KHDRBS3: variants seen among roughly 807,000 people sequenced by gnomAD.
KHDRBS3 encodes KH RNA binding domain containing, signal transduction associated 3, also known as KH domain-containing, RNA-binding, signal transduction-associated protein 3.
A neutral mutation model predicts 45.6 loss-of-function variants in KHDRBS3; 23 were observed. The observed-to-expected ratio is 0.50, with a 90% CI of 0.36 to 0.72. The LOEUF (loss-of-function observed/expected upper bound fraction) is 0.72. KHDRBS3 is among the 30% of genes least tolerant of loss of function. The pLI, the probability that KHDRBS3 is intolerant of heterozygous loss-of-function variation, is 0.00. For missense variants in KHDRBS3, 352 were observed against 424.8 expected (o/e 0.83, Z 1.51); for synonymous variants, 162 against 156.5 (o/e 1.04, Z -0.26).
At chr8:135,622,605 A>G (rs888121931) in intron 7 of KHDRBS3, among the ~76,000 whole-genome samples, 2 of 152,246 alleles carry the variant, frequency 1.3e-5, no homozygotes, top group African/African-American at 4.8e-5. Context: ...AAATCTAAAT[A>G]TCAAATGTGT....
chr8:135,513,813 C>A (rs756506091), intron 1 of KHDRBS3, among the ~76,000 whole-genome samples: 13 of 152,018 alleles, frequency 8.6e-5, no homozygotes, highest in Non-Finnish European at 1.9e-4. Flanking sequence ...TTGATTTAAT[C>A]ATCTTAGGCT....
Position 135,566,277 on chromosome 8 carries a change from C to A in KHDRBS3, c.611+8690C>A, listed in dbSNP as rs16905411. On this transcript the variant is annotated intron_variant, in intron 5 of 8. Transcript: ENST00000355849. ...TGAAAAATAATACTCCCAATGTTTG[C>A]TGAATATACTAAATTTCTTATTAGC... 1.0e-2 allele frequency among the ~76,000 whole-genome samples: 1,521 copies of A among 152,240 alleles called. 23 individuals are homozygous for A. The highest frequency in any genetic ancestry group is 0.032 in the African/African-American group (1,345 of 41,524).
intron 6 of KHDRBS3, among the ~76,000 whole-genome samples, chr8:135,597,981 A>C (rs1434704881): frequency 3.3e-5 from 5 of 152,184 alleles, no homozygotes; most frequent in Non-Finnish European, 7.3e-5. Context: ...ATGAAATTCT[A>C]CCTCAGTTGG....
intron 7 of KHDRBS3, among the ~76,000 whole-genome samples, chr8:135,639,382 G>C (rs1405319466): frequency 6.6e-6 from 1 of 152,178 alleles, no homozygotes; most frequent in Non-Finnish European, 1.5e-5. Context: ...GAGCCAGAAA[G>C]TTGAGAGGCC....
chr8:135,546,260 T>G (rs1181332796), intron 3 of KHDRBS3, among the ~76,000 whole-genome samples: 2 of 152,222 alleles, frequency 1.3e-5, no homozygotes, highest in African/African-American at 4.8e-5. Context: ...TTTACTAGTT[T>G]TAGTTTTCAG....
At chr8:135,493,142 A>T (rs761598699) in intron 1 of KHDRBS3, among the ~76,000 whole-genome samples, 1 of 151,930 alleles carries the variant, frequency 6.6e-6, no homozygotes, top group Admixed American at 6.5e-5. Context: ...CAGTGGCACG[A>T]TCTCGGCTCA....
chr8:135,481,229 T>G (rs1289208646), intron 1 of KHDRBS3, among the ~76,000 whole-genome samples: 4 of 56,244 alleles, frequency 7.1e-5, no homozygotes, highest in South Asian at 6.1e-4. Context: ...CCACGATATA[T>G]ATATATATAT....
At chr8:135,575,258 C>T (rs1586744565) in intron 5 of KHDRBS3, among the ~76,000 whole-genome samples, 1 of 152,194 alleles carries the variant, frequency 6.6e-6, no homozygotes, top group East Asian at 1.9e-4. Context: ...CCTGTAGTGG[C>T]TTAACCCAGT....
intron 1 of KHDRBS3, among the ~76,000 whole-genome samples, chr8:135,487,542 T>C (rs1248775429): frequency 1.3e-5 from 2 of 152,180 alleles, no homozygotes; most frequent in Non-Finnish European, 2.9e-5. Flanking sequence ...GGTGATCCTA[T>C]CATGGTGGAA....
At chr8:135,480,671 T>G (rs1411683034) in intron 1 of KHDRBS3, among the ~76,000 whole-genome samples, 1 of 152,118 alleles carries the variant, frequency 6.6e-6, no homozygotes, top group Non-Finnish European at 1.5e-5. Flanking sequence ...AAAAGAGAAA[T>G]GTGCTTTCCA....
At chr8:135,570,531 T>C (rs984618147) in intron 5 of KHDRBS3, among the ~76,000 whole-genome samples, 7 of 152,362 alleles carry the variant, frequency 4.6e-5, no homozygotes, top group Admixed American at 2.6e-4. Context: ...AGGGTAGATA[T>C]AGGAAAATGG....
downstream of KHDRBS3, among the ~76,000 whole-genome samples, chr8:135,648,815 T>C (rs1392612827): frequency 1.3e-5 from 2 of 152,140 alleles, no homozygotes; most frequent in Admixed American, 1.3e-4. Flanking sequence ...GATTGGAGGC[T>C]CAGGTCATCC....
chr8:135,622,017 A>G (rs1383932726), intron 7 of KHDRBS3, among the ~76,000 whole-genome samples: 1 of 150,978 alleles, frequency 6.6e-6, no homozygotes, highest in East Asian at 2.0e-4. Context: ...CCCCACCTCC[A>G]CTCCACTCCT....
rs532067940 is a variant in KHDRBS3, at chr8:135,581,864, T to C, written c.612-14T>C. On this transcript the variant is annotated splice_polypyrimidine_tract_variant and intron_variant, in intron 5 of 8. Coordinates refer to ENST00000355849, the MANE Select transcript of KHDRBS3 (RefSeq NM_006558.3). ...CTATGATAGATACTGCTAATTTGAC[T>C]CTCTTGGTTACAGGGGAAGGGGAGG... The C allele has an allele frequency of 2.5e-5, 39 of 1,545,360 alleles. No homozygotes were observed. In the South Asian group the frequency reaches 4.5e-4, roughly 18 times the overall value.
chr8:135,470,347 T>C (rs1226598993), intron 1 of KHDRBS3, among the ~76,000 whole-genome samples: 3 of 152,174 alleles, frequency 2.0e-5, no homozygotes, highest in African/African-American at 7.2e-5. Context: ...AAAGTGTCTC[T>C]TTCTCTCTTA....
chr8:135,544,736 C>T (rs544154489), intron 3 of KHDRBS3, among the ~76,000 whole-genome samples: 3 of 152,250 alleles, frequency 2.0e-5, no homozygotes, highest in South Asian at 2.1e-4. Flanking sequence ...CCCTCTTTTC[C>T]AGATCACCCA....
intron 2 of KHDRBS3, among the ~76,000 whole-genome samples, chr8:135,531,388 T>C (rs1365380176): frequency 1.3e-5 from 2 of 150,272 alleles, no homozygotes; most frequent in African/African-American, 4.9e-5. Context: ...TAAATAATAG[T>C]ATTTATAGCT....
At chr8:135,550,848 T>A (rs1162640328) in intron 4 of KHDRBS3, among the ~76,000 whole-genome samples, 2 of 152,162 alleles carry the variant, frequency 1.3e-5, no homozygotes, top group Non-Finnish European at 2.9e-5. Flanking sequence ...AGTTTTCCAA[T>A]CCAGGAACAT....
chr8:135,536,890 G>A (rs1349729006), intron 2 of KHDRBS3, among the ~76,000 whole-genome samples: 1 of 146,424 alleles, frequency 6.8e-6, no homozygotes, highest in East Asian at 2.0e-4. Context: ...AACCCGGGAA[G>A]CGGAGCTTGC....
Sources: allele counts gnomAD v4.1 joint callset (sites outside exome capture counted in the v4.1 genomes callset), GRCh38; gene constraint gnomAD v4.1.1; transcripts MANE v1.5; gene names NCBI Gene and HGNC (gene_info 2026-07-23, HGNC 2026-07-21).